The following MAPK6 variants were observed in gnomAD, a reference collection of about 807,000 sequenced individuals.
The protein encoded by MAPK6 is ERK-3.
A neutral mutation model predicts 59.3 loss-of-function variants in MAPK6; 19 were observed. That is an observed-to-expected ratio of 0.32 (90% CI 0.22 to 0.47). The LOEUF (loss-of-function observed/expected upper bound fraction) is 0.47, where lower values mean the gene tolerates loss of function less well. Among genes scored for constraint, MAPK6 ranks in the 20% least tolerant of loss-of-function variants. MAPK6 has a pLI of 1.00. For synonymous variants in MAPK6, 316 were observed against 290.3 expected (o/e 1.09, Z -0.90); for missense variants, 724 against 847.9 (o/e 0.85, Z 1.81).
At position 52,061,057 on chromosome 15, in the gene MAPK6, T is replaced by G. The variant is rs1304781212; in HGVS notation, c.866-242T>G. ...CACCACACTCAGCCAGAAAATCGTT[T>G]TTAAGTTGTAAATCAGGTAAGTTTT... On this transcript the variant is annotated intron_variant, in intron 4 of 5. Coordinates refer to ENST00000261845, the MANE Select transcript of MAPK6 (RefSeq NM_002748.4). 2.0e-5 allele frequency among the ~76,000 whole-genome samples: 3 copies of G among 152,186 alleles called. No individual in the cohort carries two copies. The East Asian group carries it at 5.8e-4, about 29-fold the overall frequency.
In MAPK6 at chr15:52,064,363, C is replaced by T. The variant is rs768101670; in HGVS notation, c.1529C>T (p.Ala510Val). The T allele has an allele frequency of 2.9e-5, 46 of 1,611,582 alleles. No individual in the cohort carries two copies. The highest frequency in any genetic ancestry group is 3.7e-5 in the Non-Finnish European group (44 of 1,179,742). ...LVKAQIALEE[A>V]SQQLAGKERE... ...AAAGCCCAGATAGCGCTAGAGGAAG[C>T]ATCACAGCAACTGGCTGGAAAAGAA... The change falls in exon 6 of 6, where the codon GCA becomes GTA. Residue 510 changes from alanine to valine, a missense_variant. By Grantham distance (64) the Ala-to-Val change is moderately conservative (BLOSUM62 0). Transcript: ENST00000261845.
At chr15:51,992,293 A>ATCTATCTATCTATCTATCTATCTATC (rs56098548) in intron 2 of MAPK6, among the ~76,000 whole-genome samples, 22 of 101,242 alleles carry the variant, frequency 2.2e-4, no homozygotes, top group African/African-American at 7.3e-4. Flanking sequence ...CTATCTATCT[A>ATCTATCTATCTATCTATCTATCTATC]TATATATATA....
intron 2 of MAPK6, among the ~76,000 whole-genome samples, chr15:52,000,538 T>TGGA (rs1388676649): frequency 6.6e-6 from 1 of 152,168 alleles, no homozygotes. Flanking sequence ...CTGGGCACAG[T>TGGA]GGTTCACGCC....
At chr15:52,029,275 C>G (rs1225197657) in intron 1 of MAPK6, among the ~76,000 whole-genome samples, 1 of 152,022 alleles carries the variant, frequency 6.6e-6, no homozygotes, top group Non-Finnish European at 1.5e-5. Context: ...CTGACCTCAG[C>G]CTCCTTATTA....
chr15:52,034,281 G>A (rs1002431453), intron 1 of MAPK6, among the ~76,000 whole-genome samples: 2 of 151,310 alleles, frequency 1.3e-5, no homozygotes, highest in African/African-American at 2.4e-5. Flanking sequence ...CACCATGCCC[G>A]GACTCCTGGT....
chr15:52,022,155 C>A (rs2030560318), intron 1 of MAPK6, among the ~76,000 whole-genome samples: 1 of 152,072 alleles, frequency 6.6e-6, no homozygotes, highest in Non-Finnish European at 1.5e-5. Context: ...GAGACCCTGT[C>A]TCAATTTTTA....
intron 3 of MAPK6, among the ~76,000 whole-genome samples, chr15:52,051,127 T>TGG (rs1329887740): frequency 1.3e-5 from 2 of 151,994 alleles, no homozygotes; most frequent in African/African-American, 4.8e-5. Context: ...GTGCGATTTC[T>TGG]GCTCACTGCA....
intron 3 of MAPK6, among the ~76,000 whole-genome samples, chr15:52,052,333 G>C (rs561332192): frequency 2.0e-5 from 3 of 152,162 alleles, no homozygotes; most frequent in African/African-American, 7.2e-5. Context: ...TAATATGGTG[G>C]CTGGCTTCCT....
intron 2 of MAPK6, among the ~76,000 whole-genome samples, chr15:51,998,056 G>T (rs543561956): frequency 6.6e-6 from 1 of 151,570 alleles, no homozygotes; most frequent in Non-Finnish European, 1.5e-5. Flanking sequence ...CAATTCTCCC[G>T]CCTCAGCCTC....
intron 1 of MAPK6, among the ~76,000 whole-genome samples, chr15:52,025,843 T>G (rs1942127488): frequency 6.6e-6 from 1 of 152,238 alleles, no homozygotes; most frequent in African/African-American, 2.4e-5. Context: ...AGCACAGATC[T>G]AGATGATCTT....
chr15:51,978,340 G>T (rs956244438), intron 1 of MAPK6, among the ~76,000 whole-genome samples: 2 of 151,672 alleles, frequency 1.3e-5, no homozygotes, highest in African/African-American at 4.8e-5. Context: ...TGGGATGTTG[G>T]CCAGGCTGGT....
intron 3 of MAPK6, among the ~76,000 whole-genome samples, chr15:52,055,677 G>C (rs58450892): frequency 2.0e-5 from 3 of 151,992 alleles, no homozygotes; most frequent in Middle Eastern, 3.2e-3. Flanking sequence ...CTCCATGCCC[G>C]GCTAATTTTT....
At chr15:51,995,132 T>C (rs1245092628) in intron 2 of MAPK6, among the ~76,000 whole-genome samples, 2 of 152,102 alleles carry the variant, frequency 1.3e-5, no homozygotes, top group Non-Finnish European at 2.9e-5. Flanking sequence ...GATCGACACC[T>C]GTGCCAGGGC....
At chr15:52,040,810 T>A (rs1292463246) in intron 1 of MAPK6, among the ~76,000 whole-genome samples, 1 of 152,192 alleles carries the variant, frequency 6.6e-6, no homozygotes, top group East Asian at 1.9e-4. Context: ...CTTAGGAAGC[T>A]GGTATCCAGC....
intron 2 of MAPK6, among the ~76,000 whole-genome samples, chr15:51,997,442 T>C (rs893245457): frequency 1.3e-5 from 2 of 148,392 alleles, no homozygotes; most frequent in Non-Finnish European, 3.0e-5. Context: ...ATATTTTTAG[T>C]AGACAGGGTT....
chr15:52,038,347 A>G (rs1374214073), intron 1 of MAPK6, among the ~76,000 whole-genome samples: 1 of 152,190 alleles, frequency 6.6e-6, no homozygotes, highest in Non-Finnish European at 1.5e-5. Context: ...TTGGGATTGC[A>G]TTTACCCACT....
At chr15:52,019,604 CCGCG>C (rs2030426077) in intron 1 of MAPK6, among the ~76,000 whole-genome samples, 1 of 146,108 alleles carries the variant, frequency 6.8e-6, no homozygotes. Context: ...CGGCGCGTCC[CCGCG>C]CGGGCGGGCG....
intron 1 of MAPK6, among the ~76,000 whole-genome samples, chr15:51,975,660 T>C (rs1193614921): frequency 1.3e-5 from 2 of 151,888 alleles, no homozygotes; most frequent in Non-Finnish European, 2.9e-5. Flanking sequence ...AAACAGAATA[T>C]ATTCACTGAA....
Position 52,025,945 on chromosome 15 carries a change from A to T in MAPK6, c.-632+6569A>T, listed in dbSNP as rs1159060725. Among the ~76,000 whole-genome samples, 3 of 152,316 alleles carry T rather than the reference A, an allele frequency of 2.0e-5. No homozygotes were observed. The East Asian group carries it at 5.8e-4, about 29-fold the overall frequency. On this transcript the variant is annotated intron_variant, in intron 1 of 5. Transcript: ENST00000261845. Reference sequence around the variant, plus strand: ...TTAATGTACAAATTGGAGAGAGAGTATGTTGACTTAGTTTTTCTAATATGC... The same window carrying T: ...TTAATGTACAAATTGGAGAGAGAGTTTGTTGACTTAGTTTTTCTAATATGC...
Sources: allele counts gnomAD v4.1 joint callset (sites outside exome capture counted in the v4.1 genomes callset), GRCh38; gene constraint gnomAD v4.1.1; transcripts MANE v1.5; gene names NCBI Gene and HGNC (gene_info 2026-07-23, HGNC 2026-07-21).